The following LETM2 variants were observed in gnomAD, a reference collection of about 807,000 sequenced individuals.
The protein encoded by LETM2 is LETM1 domain-containing protein LETM2, mitochondrial.
LETM2 carries 58 observed loss-of-function variants against 59.6 expected under a neutral mutation model. The ratio of observed to expected loss-of-function variants is 0.97; its 90% CI spans 0.79 to 1.21. LETM2 has a LOEUF of 1.21. Ranked by LOEUF, LETM2 falls within the 50% of genes most tolerant of loss-of-function variation. The pLI is 0.00. For synonymous variants in LETM2, 199 were observed against 214.1 expected (o/e 0.93, Z 0.62); for missense variants, 572 against 575.7 (o/e 0.99, Z 0.07).
rs779441988 is a variant in LETM2, at chr8:38,408,283, T to C, written c.*9T>C. 8.8e-6 allele frequency: 14 copies of C among 1,586,820 alleles called. No homozygotes were observed. Among genetic ancestry groups the C allele is most frequent in the East Asian group, 4.5e-5 (2 of 44,862 alleles). The stretch of plus-strand genomic sequence containing the variant: ...GTTCAAAAGGAGCATAAAGGACTAC[T>C]TGAGGATGGAGCTCACTCTCTTCAG... On this transcript the variant is annotated 3_prime_UTR_variant, in exon 11 of 11. Transcript: ENST00000379957.
Position 38,408,544 on chromosome 8 carries a change from A to G in LETM2, c.*270A>G, listed in dbSNP as rs191590808. 2,392 of 325,962 alleles carry G rather than the reference A, an allele frequency of 7.3e-3. 19 individuals carry two copies. Among genetic ancestry groups the G allele is most frequent in the Middle Eastern group, 0.039 (45 of 1,152 alleles). 20.2% of individuals were successfully genotyped at this position (325,962 alleles called of 1,614,324 possible). A position where few individuals can be genotyped will look rare whatever the true frequency, so the allele number is the denominator to read the frequency against. ...CTTTGTATAAAGCCCACCCCCCATCATGTTGTTTTTTTAGTTTCATGTGTA... is the reference window on the plus strand; with the variant it reads ...CTTTGTATAAAGCCCACCCCCCATCGTGTTGTTTTTTTAGTTTCATGTGTA... On this transcript the variant is annotated 3_prime_UTR_variant, in exon 11 of 11. Coordinates refer to ENST00000379957, the MANE Select transcript of LETM2 (RefSeq NM_001286819.2).
Position 38,408,358 on chromosome 8 carries a change from G to C in LETM2, c.*84G>C. 8.3e-7 allele frequency: 1 copy of C among 1,200,328 alleles called. No individual in the cohort carries two copies. Among genetic ancestry groups the C allele is most frequent in the Non-Finnish European group, 1.2e-6 (1 of 825,922 alleles). 74.4% of individuals were successfully genotyped at this position (1,200,328 alleles called of 1,614,324 possible). ...TGTAAAGGACCTCCCAGATAAGACT[G>C]TCTGGCTTCAGAGAGCGGATCAGCT... On this transcript the variant is annotated 3_prime_UTR_variant, in exon 11 of 11. Transcript: ENST00000379957.
intron 6 of LETM2, among the ~76,000 whole-genome samples, chr8:38,402,023 C>T (rs1813272188): frequency 1.3e-5 from 2 of 152,140 alleles, no homozygotes; most frequent in Admixed American, 6.5e-5. Context: ...CAACACTGGT[C>T]CCAGAAATAC....
At position 38,407,477 on chromosome 8, in the gene LETM2, A is replaced by G; in HGVS notation, c.1413+14A>G. 1 of 1,514,002 alleles carries G rather than the reference A, an allele frequency of 6.6e-7. No individual in the cohort carries two copies. The highest frequency in any genetic ancestry group is 9.2e-7 in the Non-Finnish European group (1 of 1,090,354). 93.8% of individuals were successfully genotyped at this position (1,514,002 alleles called of 1,614,324 possible). On this transcript the variant is annotated intron_variant, in intron 10 of 10. Coordinates refer to ENST00000379957, the MANE Select transcript of LETM2 (RefSeq NM_001286819.2). ...TCTGAAGAACCTGTAAGTATCTTTA[A>G]TAAATGAAAAAGAAAGAGAAGACCC...
upstream of LETM2, chr8:38,382,451 C>CGTCT (rs1262328288): frequency 6.6e-6 from 1 of 152,184 alleles, no homozygotes; most frequent in African/African-American, 2.4e-5. The surrounding 1 kb of genome is among the most constrained non-coding windows in gnomAD (Gnocchi z 4.2). Flanking sequence ...CGGCAGCTAG[C>CGTCT]GTCTGGACGA....
At chr8:38,407,185 C>A in intron 9 of LETM2, 147 bp downstream of exon 9, 1 of 721,474 alleles carries the variant, frequency 1.4e-6, no homozygotes, top group Non-Finnish European at 2.3e-6. Flanking sequence ...ACTGTTTGAT[C>A]TAAGAGGAAG....
chr8:38,393,289 C>T, intron 3 of LETM2: 1 of 275,190 alleles, frequency 3.6e-6, no homozygotes, highest in Non-Finnish European at 6.9e-6. Flanking sequence ...TTTAATCTTT[C>T]CAAGAAGTTG....
chr8:38,408,422 A>G lies in LETM2; in HGVS notation c.*148A>G. The G allele has an allele frequency of 1.6e-6, 1 of 637,912 alleles. No individual in the cohort carries two copies. The highest frequency in any genetic ancestry group is 2.8e-6 in the Non-Finnish European group (1 of 362,634). The allele number at this position is 637,912 out of a possible 1,614,324, so 39.5% of individuals were successfully genotyped here. On this transcript the variant is annotated 3_prime_UTR_variant, in exon 11 of 11. Transcript: ENST00000379957. The stretch of plus-strand genomic sequence containing the variant: ...GGCAGTCCTTTGAGGCCTGGTAACC[A>G]TTCCAGGTGATGTGGGTAGTGAGAC...
chr8:38,399,241 G>C (rs1369817510), intron 4 of LETM2, among the ~76,000 whole-genome samples: 1 of 152,074 alleles, frequency 6.6e-6, no homozygotes, highest in Non-Finnish European at 1.5e-5. Context: ...GATTAACAAG[G>C]ATTAAGAAAC....
In LETM2 at chr8:38,392,583, C is replaced by A; in HGVS notation, c.89C>A (p.Ser30Tyr). ...GTCCATCCTACCTGCTCTTCTTATTCCCCATCATGTGCATTTCTTCACTTG... is the reference window on the plus strand; with the variant it reads ...GTCCATCCTACCTGCTCTTCTTATTACCCATCATGTGCATTTCTTCACTTG... The part of the protein sequence containing the change: ...HFVHPTCSSY[S>Y]PSCAFLHLPD... The change falls in exon 3 of 11, where the codon TCC (serine) becomes TAC (tyrosine). Residue 30 changes from serine (S) to tyrosine (Y), a missense_variant. Transcript: ENST00000379957. 1 of 1,612,780 alleles carries A rather than the reference C, an allele frequency of 6.2e-7. No individual in the cohort carries two copies. Among genetic ancestry groups the A allele is most frequent in the East Asian group, 2.2e-5 (1 of 44,894 alleles).
intron 4 of LETM2, among the ~76,000 whole-genome samples, chr8:38,395,464 C>T (rs1401390609): frequency 2.6e-5 from 4 of 151,652 alleles, no homozygotes; most frequent in Non-Finnish European, 5.9e-5. Flanking sequence ...CTTTCCTGTG[C>T]TTATTTACCA....
intron 4 of LETM2, among the ~76,000 whole-genome samples, chr8:38,396,147 A>C (rs1211514014): frequency 2.0e-5 from 3 of 151,086 alleles, no homozygotes; most frequent in South Asian, 2.1e-4. Flanking sequence ...TCTGTGATCC[A>C]TTTTATTTTT....
At chr8:38,397,781 A>C (rs557342857) in intron 4 of LETM2, among the ~76,000 whole-genome samples, 1 of 152,262 alleles carries the variant, frequency 6.6e-6, no homozygotes, top group South Asian at 2.1e-4. Context: ...AGGAAGGGAA[A>C]CCAGCTGGAA....
At chr8:38,391,300 G>GTTTTTTTTTTTT (rs761566202) in intron 2 of LETM2, among the ~76,000 whole-genome samples, 1 of 109,168 alleles carries the variant, frequency 9.2e-6, no homozygotes, top group Non-Finnish European at 1.9e-5. Context: ...TTTTATTTTA[G>GTTTTTTTTTTTT]TTTTTTTTTT....
chr8:38,392,446 A>G (rs1812368335), intron 2 of LETM2, 96 bp from the exon 3 acceptor site: 1 of 801,536 alleles, frequency 1.2e-6, no homozygotes, highest in Non-Finnish European at 2.0e-6. Context: ...TTTTGACCAG[A>G]TGTACTATCT....
At position 38,392,774 on chromosome 8, in the gene LETM2, G is replaced by A. The variant is rs1206879245; in HGVS notation, c.280G>A (p.Glu94Lys). Reference sequence around the variant, plus strand: ...AGAAGTTCCTGGCAAACCTCAGCTGGAGCAAGCCACAAAACATCCACAGGT... The same window carrying A: ...AGAAGTTCCTGGCAAACCTCAGCTGAAGCAAGCCACAAAACATCCACAGGT... ...LQEVPGKPQL[E>K]QATKHPQVTS... The change falls in exon 3 of 11, where the codon GAG becomes AAG. Residue 94 changes from glutamate (E) to lysine (K), a missense_variant. Physicochemically the swap from Glu to Lys is moderately conservative, Grantham distance 56. Coordinates refer to ENST00000379957, the MANE Select transcript of LETM2 (RefSeq NM_001286819.2). 6.2e-7 allele frequency: 1 copy of A among 1,614,076 alleles called. No homozygotes were observed. Among genetic ancestry groups the A allele is most frequent in the African/African-American group, 1.3e-5 (1 of 75,032 alleles).
At chr8:38,406,143 C>G (rs1305276306) in intron 8 of LETM2, among the ~76,000 whole-genome samples, 2 of 152,204 alleles carry the variant, frequency 1.3e-5, no homozygotes, top group Non-Finnish European at 1.5e-5. Context: ...TATTCTATCA[C>G]CACTCCCATT....
chr8:38,388,165 C>T (rs1245876134), intron 2 of LETM2, 135 bp downstream of exon 2: 31 of 634,732 alleles, frequency 4.9e-5, no homozygotes, highest in South Asian at 4.6e-4. Context: ...ACTGCAACCT[C>T]TGCCTCCCGG....
intron 5 of LETM2, 180 bp downstream of exon 5, chr8:38,400,589 C>T (rs1012918732): frequency 1.5e-6 from 1 of 688,236 alleles, no homozygotes; most frequent in Non-Finnish European, 2.3e-6. Context: ...GCAGAAAAGC[C>T]TGTCTTAAAG....
Sources: allele counts gnomAD v4.1 joint callset (sites outside exome capture counted in the v4.1 genomes callset), GRCh38; gene constraint gnomAD v4.1.1; non-coding constraint Gnocchi (gnomAD v3.1); transcripts MANE v1.5; gene names NCBI Gene and HGNC (gene_info 2026-07-23, HGNC 2026-07-21).